The following FKBP9 variants were observed in gnomAD, a reference collection of about 807,000 sequenced individuals.
FKBP9 encodes the protein FKBP prolyl isomerase 9.
Under a neutral mutation model 55.6 loss-of-function variants are expected in FKBP9, and 27 were observed. The observed-to-expected ratio is 0.49, with a 90% CI of 0.36 to 0.67. FKBP9 has a LOEUF of 0.67. FKBP9 is among the 30% of genes least tolerant of loss of function. The probability of loss-of-function intolerance (pLI) is 0.00; values close to 1 mark genes in which losing one functional copy is unlikely to be tolerated. For missense variants in FKBP9, 539 were observed against 742.8 expected (o/e 0.73, Z 3.19); for synonymous variants, 267 against 296.5 (o/e 0.90, Z 1.02).
intron 5 of FKBP9, among the ~76,000 whole-genome samples, chr7:32,987,907 C>T (rs1226274311): frequency 6.6e-6 from 1 of 152,056 alleles, no homozygotes; most frequent in Admixed American, 6.6e-5. Context: ...AGGCTGGGCA[C>T]GGTGGCTCAT....
At chr7:32,996,940 A>G (rs374737985) in intron 7 of FKBP9, among the ~76,000 whole-genome samples, 4,891 of 149,670 alleles carry the variant, frequency 0.033, 129 homozygotes, top group Middle Eastern at 0.08. Flanking sequence ...GACTACAGGC[A>G]CCCGCCACCG....
chr7:32,973,690 T>G (rs867347465), intron 1 of FKBP9, among the ~76,000 whole-genome samples: 3,458 of 82,638 alleles, frequency 0.042, 132 homozygotes, highest in East Asian at 0.19. Context: ...TTGTTTTTTT[T>G]TTTTTTTTTT....
intron 8 of FKBP9, 76 bp from the exon 9 acceptor site, chr7:33,002,600 T>C (rs2953605): frequency 6.4e-7 from 1 of 1,574,352 alleles, no homozygotes. Flanking sequence ...TGCTGGAGGT[T>C]GGGGTGGGTG....
At chr7:32,983,224 A>G (rs928666018) in intron 5 of FKBP9, among the ~76,000 whole-genome samples, 9 of 151,934 alleles carry the variant, frequency 5.9e-5, no homozygotes, top group African/African-American at 2.2e-4. Flanking sequence ...GGGTTTCATC[A>G]TATTGGCCAG....
chr7:32,986,425 C>T (rs1007280444), intron 5 of FKBP9, among the ~76,000 whole-genome samples: 6 of 152,230 alleles, frequency 3.9e-5, no homozygotes, highest in African/African-American at 1.4e-4. Flanking sequence ...CAGGGTCCTG[C>T]AGGTGGGAAC....
intron 1 of FKBP9, among the ~76,000 whole-genome samples, chr7:32,964,717 T>G (rs1350616203): frequency 6.6e-6 from 1 of 152,208 alleles, no homozygotes; most frequent in African/African-American, 2.4e-5. Context: ...TAGCTACTGG[T>G]AGAGATGGCT....
At chr7:32,963,782 C>A (rs1319145751) in intron 1 of FKBP9, 4 of 1,277,486 alleles carry the variant, frequency 3.1e-6, no homozygotes, top group South Asian at 2.5e-5. Flanking sequence ...CCAATAAGCT[C>A]CCCATGCTGC....
At chr7:32,963,157 G>A (rs976287931) in intron 1 of FKBP9, among the ~76,000 whole-genome samples, 1 of 152,122 alleles carries the variant, frequency 6.6e-6, no homozygotes, top group Non-Finnish European at 1.5e-5. Context: ...CTTGAAGCGG[G>A]GAGTGTGTTT....
chr7:32,984,379 G>A (rs1244548609), intron 5 of FKBP9, among the ~76,000 whole-genome samples: 7 of 152,006 alleles, frequency 4.6e-5, no homozygotes. Context: ...GACTACAGGT[G>A]TGCACCATCA....
chr7:32,974,355 T>A (rs1784316981), intron 1 of FKBP9, among the ~76,000 whole-genome samples: 1 of 107,104 alleles, frequency 9.3e-6, no homozygotes, highest in South Asian at 4.0e-4. Flanking sequence ...AAAATCAGTT[T>A]AACACATTTT....
chr7:32,965,812 A>AAATATATATAT (rs1554284289), intron 1 of FKBP9, among the ~76,000 whole-genome samples: 1 of 34,942 alleles, frequency 2.9e-5, no homozygotes, highest in African/African-American at 1.2e-4. Flanking sequence ...AAAAAAAAAA[A>AAATATATATAT]ATATATATAT....
At chr7:32,996,569 C>G (rs1784791360) in intron 7 of FKBP9, among the ~76,000 whole-genome samples, 1 of 151,866 alleles carries the variant, frequency 6.6e-6, no homozygotes, top group African/African-American at 2.4e-5. Flanking sequence ...ATGAAATTGT[C>G]TTTCTGAAAA....
chr7:33,004,243 A>G (rs1007184613), intron 9 of FKBP9, among the ~76,000 whole-genome samples: 3 of 152,028 alleles, frequency 2.0e-5, no homozygotes, highest in Admixed American at 6.6e-5. Context: ...AGTGGTGTTC[A>G]TGAAGCTCCT....
chr7:32,987,118 G>C (rs1184200480), intron 5 of FKBP9, among the ~76,000 whole-genome samples: 1 of 152,136 alleles, frequency 6.6e-6, no homozygotes, highest in African/African-American at 2.4e-5. Context: ...GAGCAGGGGT[G>C]ATAGTGGGGG....
At chr7:32,985,808 C>T (rs1784563526) in intron 5 of FKBP9, among the ~76,000 whole-genome samples, 1 of 151,964 alleles carries the variant, frequency 6.6e-6, no homozygotes, top group Non-Finnish European at 1.5e-5. Context: ...GCCTGGCCAA[C>T]ATGGTGAAAC....
At chr7:32,985,170 C>CTTTT (rs1562570028) in intron 5 of FKBP9, among the ~76,000 whole-genome samples, 1 of 117,734 alleles carries the variant, frequency 8.5e-6, no homozygotes, top group Non-Finnish European at 1.7e-5. Context: ...CTTTTTCTTT[C>CTTTT]TTTCTTTCTT....
chr7:32,978,174 G>T (rs867573653), intron 4 of FKBP9, among the ~76,000 whole-genome samples: 1 of 151,306 alleles, frequency 6.6e-6, no homozygotes, highest in African/African-American at 2.4e-5. Context: ...CATCCACCTC[G>T]GCCTCCCAAA....
At chr7:32,965,830 T>TATATGTGTAC (rs1554284315) in intron 1 of FKBP9, among the ~76,000 whole-genome samples, 1 of 29,386 alleles carries the variant, frequency 3.4e-5, no homozygotes, top group Non-Finnish European at 7.8e-5. Flanking sequence ...TATATATATA[T>TATATGTGTAC]ATATATATAT....
rs1217927656 is a variant in FKBP9 at position 32,996,819 on chromosome 7, G to T, written c.1226+470G>T. Among the ~76,000 whole-genome samples the T allele has an allele frequency of 8.5e-5, 8 of 94,500 alleles. No individual in the cohort carries two copies. In the East Asian group the frequency reaches 2.7e-3, roughly 32 times the overall value. The allele number at this position is 94,500 out of a possible 152,430, so 62.0% of individuals were successfully genotyped here. A position where few individuals can be genotyped will look rare whatever the true frequency, so the allele number is the denominator to read the frequency against. On this transcript the variant is annotated intron_variant, in intron 7 of 9. Coordinates refer to ENST00000242209, the MANE Select transcript of FKBP9 (RefSeq NM_007270.5). ...TTTTTTTTTTTTGAGACGGAGTCTCGCTCTGTCGCCCAGGCCGGACTGCGG... is the reference window on the plus strand; with the variant it reads ...TTTTTTTTTTTTGAGACGGAGTCTCTCTCTGTCGCCCAGGCCGGACTGCGG...
Sources: allele counts gnomAD v4.1 joint callset (sites outside exome capture counted in the v4.1 genomes callset), GRCh38; gene constraint gnomAD v4.1.1; transcripts MANE v1.5; gene names NCBI Gene and HGNC (gene_info 2026-07-23, HGNC 2026-07-21).